CCDC91: variants seen among roughly 807,000 people sequenced by gnomAD.
CCDC91 encodes coiled-coil domain containing 91.
Under a neutral mutation model 63.2 loss-of-function variants are expected in CCDC91, and 48 were observed. The ratio of observed to expected loss-of-function variants is 0.76; its 90% CI spans 0.60 to 0.97. The LOEUF is 0.97. Among genes scored for constraint, CCDC91 ranks in the 50% least tolerant of loss-of-function variants. The probability of loss-of-function intolerance (pLI) is 0.00; values close to 1 mark genes in which losing one functional copy is unlikely to be tolerated. For missense variants in CCDC91, 500 were observed against 494.6 expected (o/e 1.01, Z -0.10); for synonymous variants, 167 against 165.8 (o/e 1.01, Z -0.06).
At chr12:28,312,940 A>G (rs1361615352) in intron 6 of CCDC91, among the ~76,000 whole-genome samples, 4 of 151,980 alleles carry the variant, frequency 2.6e-5, no homozygotes, top group African/African-American at 4.8e-5. Flanking sequence ...TCTTTCTTTT[A>G]TAAGTTGCCT....
intron 12 of CCDC91, among the ~76,000 whole-genome samples, chr12:28,489,464 T>TA (rs927480009): frequency 2.0e-5 from 3 of 151,918 alleles, no homozygotes; most frequent in African/African-American, 7.2e-5. Flanking sequence ...TTAAGACTGT[T>TA]ACACATGAGT....
chr12:28,377,294 G>T (rs1397735963), intron 7 of CCDC91, among the ~76,000 whole-genome samples: 2 of 151,516 alleles, frequency 1.3e-5, no homozygotes, highest in African/African-American at 4.8e-5. Context: ...TATACTCCCT[G>T]TTGTTTTCGT....
intron 8 of CCDC91, among the ~76,000 whole-genome samples, chr12:28,405,479 T>C (rs1203069093): frequency 6.6e-6 from 1 of 152,202 alleles, no homozygotes; most frequent in East Asian, 1.9e-4. Context: ...AGATGCTTTT[T>C]CCATGTTTAT....
intron 6 of CCDC91, among the ~76,000 whole-genome samples, chr12:28,320,920 G>A (rs1289670266): frequency 1.3e-5 from 2 of 151,830 alleles, no homozygotes; most frequent in Admixed American, 6.6e-5. Flanking sequence ...AAGAGTTGAA[G>A]AGCTGTACTC....
rs568721221 is a variant in CCDC91 at position 28,296,140 on chromosome 12, TA to T, written c.110-9508del. On this transcript the variant is annotated intron_variant, in intron 3 of 12. Transcript: ENST00000536442. ...TGGGGAATGAAATTTTTTTAAATTT[TA>T]TTTTTTAAATTTTTTATTTTTTAAA... Among the ~76,000 whole-genome samples, 155 of 151,710 alleles carry T rather than the reference TA, an allele frequency of 1.0e-3. 1 individual carries two copies. The highest frequency in any genetic ancestry group is 3.4e-3 in the African/African-American group (140 of 41,544).
chr12:28,358,973 G>T (rs896790486), intron 6 of CCDC91, among the ~76,000 whole-genome samples: 1 of 152,072 alleles, frequency 6.6e-6, no homozygotes, highest in Non-Finnish European at 1.5e-5. Context: ...TCGGCTCACC[G>T]CAACCTCCGC....
At chr12:28,323,117 T>C (rs1472982616) in intron 6 of CCDC91, among the ~76,000 whole-genome samples, 1 of 151,422 alleles carries the variant, frequency 6.6e-6, no homozygotes, top group African/African-American at 2.4e-5. Context: ...CTACAGTTGA[T>C]TTAAAAAATT....
chr12:28,275,667 A>G (rs1259828826), intron 3 of CCDC91, among the ~76,000 whole-genome samples: 1 of 152,126 alleles, frequency 6.6e-6, no homozygotes, highest in African/African-American at 2.4e-5. Context: ...AGACACAACA[A>G]AAAAAGAGAA....
chr12:28,414,340 T>A (rs1458552677), intron 8 of CCDC91, among the ~76,000 whole-genome samples: 3 of 152,064 alleles, frequency 2.0e-5, no homozygotes, highest in African/African-American at 7.2e-5. Context: ...GTAAAAAAAA[T>A]TCTTATTTTG....
rs116727142 is a variant in CCDC91 at position 28,309,838 on chromosome 12, G to A, written c.576+2089G>A. ...ACTCTTGTGGAGGCTTTTCTTAATCGTGCTGTATAAAATAAGGCCCTTTGT... is the reference window on the plus strand; with the variant it reads ...ACTCTTGTGGAGGCTTTTCTTAATCATGCTGTATAAAATAAGGCCCTTTGT... On this transcript the variant is annotated intron_variant, in intron 6 of 12. Coordinates refer to ENST00000536442, the MANE Select transcript of CCDC91 (RefSeq NM_018318.5). Among the ~76,000 whole-genome samples, 1,224 of 151,950 alleles carry A rather than the reference G, an allele frequency of 8.1e-3. 11 individuals carry two copies. The highest frequency in any genetic ancestry group is 0.028 in the African/African-American group (1,169 of 41,496).
intron 1 of CCDC91, among the ~76,000 whole-genome samples, chr12:28,253,832 C>T (rs543425549): frequency 6.6e-6 from 1 of 152,282 alleles, no homozygotes; most frequent in East Asian, 1.9e-4. Context: ...CTCCTTCTAC[C>T]TTAGGCATTT....
intron 1 of CCDC91, among the ~76,000 whole-genome samples, chr12:28,219,477 T>TC (rs1459288475): frequency 6.7e-6 from 1 of 148,438 alleles, no homozygotes; most frequent in East Asian, 1.9e-4. Flanking sequence ...CATTTTTTTT[T>TC]TTTTTTTTTT....
intron 11 of CCDC91, among the ~76,000 whole-genome samples, chr12:28,469,459 A>G (rs565651834): frequency 6.6e-6 from 1 of 152,250 alleles, no homozygotes; most frequent in African/African-American, 2.4e-5. Flanking sequence ...ATGGAAAGAT[A>G]TTCTGCATCC....
intron 12 of CCDC91, among the ~76,000 whole-genome samples, chr12:28,533,140 G>A (rs919257584): frequency 6.6e-6 from 1 of 152,076 alleles, no homozygotes; most frequent in African/African-American, 2.4e-5. Context: ...TTATATCAGT[G>A]CATTTCTTTA....
At chr12:28,280,815 T>TA (rs11369802) in intron 3 of CCDC91, among the ~76,000 whole-genome samples, 61,929 of 139,506 alleles carry the variant, frequency 0.44, 13,615 homozygotes, top group South Asian at 0.52. Flanking sequence ...CGCGTTTCTT[T>TA]AAAAAAAAAA....
At chr12:28,510,236 C>CGTGTGTGTGT (rs567113847) in intron 12 of CCDC91, among the ~76,000 whole-genome samples, 6 of 136,008 alleles carry the variant, frequency 4.4e-5, no homozygotes, top group Middle Eastern at 3.7e-3. Flanking sequence ...GTCAATAGGG[C>CGTGTGTGTGT]ATGTGTGTGT....
At chr12:28,273,202 G>A (rs11049500) in intron 3 of CCDC91, among the ~76,000 whole-genome samples, 28,034 of 151,998 alleles carry the variant, frequency 0.18, 3,189 homozygotes, top group East Asian at 0.52. Flanking sequence ...GTATTCCATG[G>A]TGTATATGTG....
chr12:28,519,791 A>T (rs184385079), intron 12 of CCDC91, among the ~76,000 whole-genome samples: 1 of 140,982 alleles, frequency 7.1e-6, no homozygotes, highest in East Asian at 2.2e-4. Context: ...CATTGTTCAA[A>T]TCCCACCTAT....
intron 1 of CCDC91, among the ~76,000 whole-genome samples, chr12:28,205,696 T>C (rs1198061415): frequency 6.6e-6 from 1 of 152,110 alleles, no homozygotes; most frequent in East Asian, 1.9e-4. Context: ...CACTCAGCAG[T>C]GTATGAATGG....
Sources: allele counts gnomAD v4.1 joint callset (sites outside exome capture counted in the v4.1 genomes callset), GRCh38; gene constraint gnomAD v4.1.1; transcripts MANE v1.5; gene names NCBI Gene and HGNC (gene_info 2026-07-23, HGNC 2026-07-21).